Variants in ANKRD36C observed in about 807,000 individuals in gnomAD.
ANKRD36C encodes the protein ankyrin repeat domain-containing protein 36C.
In ANKRD36C, 61 loss-of-function variants were observed where a neutral mutation model predicts 276.4. The ratio of observed to expected loss-of-function variants is 0.22; its 90% CI spans 0.18 to 0.27. The LOEUF (loss-of-function observed/expected upper bound fraction) is 0.27, where lower values mean the gene tolerates loss of function less well. ANKRD36C is among the 10% of genes least tolerant of loss of function. The pLI is 1.00. For synonymous variants in ANKRD36C, 483 were observed against 680.1 expected, an observed-to-expected ratio of 0.71 and a Z score of 4.51; for missense variants, 1,447 against 2,032.3, an observed-to-expected ratio of 0.71 and a Z score of 5.54.
chr2:95,921,607 C>T lies in ANKRD36C; in HGVS notation c.2245G>A (p.Val749Met). The T allele has an allele frequency of 2.5e-6, 4 of 1,605,574 alleles. No individual in the cohort carries two copies. In the South Asian group the frequency reaches 4.4e-5, roughly 18 times the overall value. The change falls in exon 34 of 67, where the codon GTG (valine) becomes ATG (methionine). Residue 749 changes from valine to methionine, a missense_variant and splice_region_variant. By Grantham distance (21) the Val-to-Met change is conservative. Around this residue, in one of 13 missense-constraint regions of ANKRD36C, gnomAD observed 565 missense variants for 539.5 expected, o/e 1.05. Coordinates refer to ENST00000456556, the Ensembl canonical transcript of ANKRD36C. ...CATTAAATGTCTTTTGCAAAATTAC[C>T]TGTCCCAGATTTTTCTCCATCCTTT...
At chr2:95,873,190 C>G (rs1675857118) in intron 59 of ANKRD36C, among the ~76,000 whole-genome samples, 1 of 152,060 alleles carries the variant, frequency 6.6e-6, no homozygotes, top group Non-Finnish European at 1.5e-5. Context: ...ATCCTGATAC[C>G]AAAGCCGGGC....
chr2:95,963,982 T>TAA (rs1678524952), intron 6 of ANKRD36C, among the ~76,000 whole-genome samples: 3 of 14,230 alleles, frequency 2.1e-4, no homozygotes, highest in African/African-American at 5.5e-4. Flanking sequence ...AATATATATA[T>TAA]ATATATATAT....
chr2:95,980,459 C>T (rs1288594154), intron 5 of ANKRD36C, among the ~76,000 whole-genome samples, 189 bp downstream of exon 5: 1 of 152,062 alleles, frequency 6.6e-6, no homozygotes, highest in Non-Finnish European at 1.5e-5. Flanking sequence ...CTGCTACTTA[C>T]CTAGCCTTTT....
chr2:95,970,349 C>CA (rs1293660285), intron 6 of ANKRD36C, among the ~76,000 whole-genome samples: 1 of 152,016 alleles, frequency 6.6e-6, no homozygotes, highest in Non-Finnish European at 1.5e-5. Flanking sequence ...TTAGCTCCTT[C>CA]AAAAAAACAC....
chr2:95,933,309 A>T (rs1677619958), intron 24 of ANKRD36C, among the ~76,000 whole-genome samples: 1 of 152,302 alleles, frequency 6.6e-6, no homozygotes, highest in African/African-American at 2.4e-5. Context: ...GTTTTTTCTA[A>T]TTCTGTGAAG....
chr2:95,872,195 C>A (rs1218541205), intron 59 of ANKRD36C, among the ~76,000 whole-genome samples: 1 of 142,924 alleles, frequency 7.0e-6, no homozygotes, highest in South Asian at 2.3e-4. Flanking sequence ...ACTCTCCACC[C>A]CAAATCAACA....
At chr2:95,921,493 A>C in intron 34 of ANKRD36C, 114 bp downstream of exon 34, 1 of 1,402,078 alleles carries the variant, frequency 7.1e-7, no homozygotes, top group East Asian at 2.5e-5. Context: ...CTACTGAATC[A>C]GAATGTGCAG....
At chr2:95,892,579 C>T (rs1676404652) in intron 44 of ANKRD36C, among the ~76,000 whole-genome samples, 2 of 151,598 alleles carry the variant, frequency 1.3e-5, no homozygotes, top group Middle Eastern at 3.4e-3. Flanking sequence ...TTTTGACATA[C>T]CTATACAAAG....
chr2:95,922,081 T>C (rs1677287596), intron 32 of ANKRD36C, among the ~76,000 whole-genome samples: 2 of 151,612 alleles, frequency 1.3e-5, no homozygotes, highest in South Asian at 4.1e-4. Context: ...AAAAAGGGTA[T>C]GCCAAGTGAT....
chr2:95,903,058 A>G, intron 42 of ANKRD36C: 1 of 1,570,758 alleles, frequency 6.4e-7, no homozygotes. Context: ...ATTACCTTCA[A>G]GCCTGGTGGT....
At chr2:95,914,908 TA>T (rs1333558218) in intron 38 of ANKRD36C, among the ~76,000 whole-genome samples, 18 of 151,496 alleles carry the variant, frequency 1.2e-4, no homozygotes, top group Non-Finnish European at 3.0e-5. Flanking sequence ...ATACTTTGCT[TA>T]AGTTTCTTTC....
At chr2:95,857,582 AGGGAGTCGTGCC>A (rs1329966253) in intron 61 of ANKRD36C, 90 bp from the exon 82 acceptor site, 1 of 1,320,856 alleles carries the variant, frequency 7.6e-7, no homozygotes, top group East Asian at 2.5e-5. Context: ...TAAGGGGTCC[AGGGAGTCGTGCC>A]CTACAAACCA....
At position 95,927,138 on chromosome 2, in the gene ANKRD36C, G is replaced by A. The variant is rs573596955; in HGVS notation, c.1939+76C>T. The A allele has an allele frequency of 1.1e-3, 1,696 of 1,575,208 alleles. 2 individuals carry two copies. The highest frequency in any genetic ancestry group is 1.4e-3 in the Non-Finnish European group (1,557 of 1,153,264). ...AATGTGCAGCTTCAATGAATCCCCC[G>A]CTGATTTATTCCAGGGAAGAGAAGT... On this transcript the variant is annotated intron_variant, in intron 28 of 66. Transcript: ENST00000456556.
chr2:95,914,455 A>G (rs990936868), intron 38 of ANKRD36C, among the ~76,000 whole-genome samples, 152 bp from the exon 41 acceptor site: 3 of 151,446 alleles, frequency 2.0e-5, no homozygotes, highest in African/African-American at 7.3e-5. Context: ...CTAGAACATG[A>G]TAGAAATACG....
At chr2:95,858,231 C>T (rs2104258205) in intron 61 of ANKRD36C, among the ~76,000 whole-genome samples, 1 of 152,218 alleles carries the variant, frequency 6.6e-6, no homozygotes, top group South Asian at 2.1e-4. Context: ...ATGTTTGGCT[C>T]AGAATAAATC....
intron 19 of ANKRD36C, among the ~76,000 whole-genome samples, chr2:95,943,035 C>T (rs1180772241): frequency 6.6e-6 from 1 of 152,306 alleles, no homozygotes; most frequent in East Asian, 1.9e-4. Context: ...TGACTGCATT[C>T]ATCACATGTA....
intron 44 of ANKRD36C, 148 bp downstream of exon 64, chr2:95,893,385 T>A (rs1485281858): frequency 1.8e-6 from 2 of 1,099,288 alleles, no homozygotes; most frequent in Admixed American, 5.1e-5. Flanking sequence ...AGCATCAGCA[T>A]CACCCAAGAA....
intron 34 of ANKRD36C, among the ~76,000 whole-genome samples, chr2:95,918,296 G>A (rs1261327572): frequency 6.6e-5 from 10 of 151,662 alleles, no homozygotes; most frequent in Admixed American, 1.3e-4. Context: ...AAATAAAACC[G>A]TGTCAATCTC....
At chr2:95,981,345 A>G (rs570336569) in intron 4 of ANKRD36C, among the ~76,000 whole-genome samples, 6 of 148,324 alleles carry the variant, frequency 4.0e-5, no homozygotes, top group Admixed American at 2.7e-4. Flanking sequence ...ACATATATAT[A>G]AAATATATAT....
Sources: gnomAD v4.1 joint callset for allele counts (sites outside exome capture counted in the v4.1 genomes callset) on GRCh38, gnomAD v4.1.1 for gene constraint, gnomAD v4.1.1 regional missense constraint, MANE v1.5 for transcripts, NCBI Gene and HGNC (gene_info 2026-07-23, HGNC 2026-07-21) for gene names.